The following NXF1 variants were observed in gnomAD, a reference collection of about 807,000 sequenced individuals.
NXF1 encodes the protein nuclear RNA export factor 1, also known as mRNA export factor TAP.
NXF1 carries 43 observed loss-of-function variants against 92.4 expected under a neutral mutation model. That is an observed-to-expected ratio of 0.47 (90% CI 0.36 to 0.60). The LOEUF is 0.60. Among genes scored for constraint, NXF1 ranks in the 20% least tolerant of loss-of-function variants. The pLI is 0.00. For missense variants in NXF1, 576 were observed against 793.0 expected, an observed-to-expected ratio of 0.73 and a Z score of 3.29; for synonymous variants, 288 against 292.2, an observed-to-expected ratio of 0.99 and a Z score of 0.15.
chr11:62,794,636 A>C (rs964663941), intron 18 of NXF1, 196 bp from the exon 19 acceptor site: 9 of 595,298 alleles, frequency 1.5e-5, no homozygotes, highest in Non-Finnish European at 2.7e-5. Flanking sequence ...GGTTCTCCCA[A>C]CGCATGGACT....
intron 10 of NXF1, 149 bp downstream of exon 10, chr11:62,800,228 C>A: frequency 6.9e-7 from 1 of 1,457,596 alleles, no homozygotes; most frequent in Non-Finnish European, 9.1e-7. Flanking sequence ...ACAGACAGAC[C>A]AAAGTGGGGA....
chr11:62,792,902 G>C (rs971750253), intron 19 of NXF1: 2 of 586,700 alleles, frequency 3.4e-6, no homozygotes, highest in Non-Finnish European at 6.0e-6. Flanking sequence ...TTAAATAGCT[G>C]TCAAGAAGCT....
chr11:62,795,265 CAA>C, intron 17 of NXF1: 1 of 391,908 alleles, frequency 2.6e-6, no homozygotes, highest in Admixed American at 3.8e-5. Flanking sequence ...ATCACGAGGT[CAA>C]GAGATCGAGA....
intron 18 of NXF1, 37 bp downstream of exon 18, chr11:62,794,898 T>A: frequency 6.3e-7 from 1 of 1,592,576 alleles, no homozygotes; most frequent in Non-Finnish European, 8.6e-7. Flanking sequence ...GGCCATGGAT[T>A]AGGACTGGTA....
chr11:62,796,258 C>T (rs572609032), intron 15 of NXF1, 29 bp downstream of exon 15: 1 of 1,613,704 alleles, frequency 6.2e-7, no homozygotes, highest in East Asian at 2.2e-5. Flanking sequence ...ATGCCCTTTT[C>T]CCATATTTTG....
At chr11:62,799,661 G>A in intron 10 of NXF1, 1 of 985,872 alleles carries the variant, frequency 1.0e-6, no homozygotes, top group Non-Finnish European at 1.2e-6. Context: ...TCAGTTCTCT[G>A]TCTCCTTGGT....
Position 62,796,792 on chromosome 11 carries a change from G to A in NXF1, c.1179-225C>T, listed in dbSNP as rs536462462. On this transcript the variant is annotated intron_variant, in intron 13 of 20. Transcript: ENST00000294172. ...ACTAAAAATACAAAAAAAATGGCTA[G>A]GTGCGGTGGCTCACGCCTCTAATCC... 2.0e-5 allele frequency: 11 copies of A among 562,320 alleles called. No homozygotes were observed. The East Asian group carries it at 3.4e-4, about 17-fold the overall frequency. The allele number at this position is 562,320 out of a possible 1,614,324, so 34.8% of individuals were successfully genotyped here. A position where few individuals can be genotyped will look rare whatever the true frequency, so the allele number is the denominator to read the frequency against.
intron 1 of NXF1, 73 bp downstream of exon 1, chr11:62,805,256 G>A (rs2084524000): frequency 3.3e-6 from 5 of 1,499,644 alleles, no homozygotes; most frequent in East Asian, 2.7e-5. Context: ...ACGCCCCGGG[G>A]GCTGAGGCCT....
chr11:62,798,631 C>T, intron 10 of NXF1, 56 bp from the exon 11 acceptor site: 1 of 1,609,996 alleles, frequency 6.2e-7, no homozygotes, highest in South Asian at 1.1e-5. Context: ...GCCTCCTGGG[C>T]TGCTCTAGGA....
At chr11:62,799,692 C>T (rs1238990078) in intron 10 of NXF1, 4 of 986,016 alleles carry the variant, frequency 4.1e-6, no homozygotes, top group Non-Finnish European at 4.8e-6. Context: ...CCCGTGGCCT[C>T]CACGCCCAGC....
At chr11:62,795,432 C>T (rs527761622) in intron 17 of NXF1, 7 of 203,330 alleles carry the variant, frequency 3.4e-5, no homozygotes, top group African/African-American at 1.2e-4. Context: ...GCCAAGATTG[C>T]GCCACTGCAC....
rs1188899691 is a variant in NXF1, at chr11:62,801,634, A to G, written c.640-3T>C. On this transcript the variant is annotated splice_polypyrimidine_tract_variant and splice_region_variant and intron_variant, in intron 6 of 20. Coordinates refer to ENST00000294172, the MANE Select transcript of NXF1 (RefSeq NM_006362.5). ...TCGTATCGTTTGCTCATGATCAGCT[A>G]GAGGAAAAAGAAGGGTTTAGTGGTC... The G allele has an allele frequency of 6.3e-7, 1 of 1,589,474 alleles. No homozygotes were observed. Among genetic ancestry groups the G allele is most frequent in the South Asian group, 1.1e-5 (1 of 90,064 alleles).
Position 62,797,247 on chromosome 11 carries a change from A to C in NXF1, c.1123-9T>G, listed in dbSNP as rs894404968. 34 of 1,614,040 alleles carry C rather than the reference A, an allele frequency of 2.1e-5. No homozygotes were observed. Among genetic ancestry groups the C allele is most frequent in the Middle Eastern group, 1.6e-4 (1 of 6,084 alleles). ...GTTCCAAAATAGCTTCCCTGAAATC[A>C]AACAGGTATTAGGAACATGGAAGCA... On this transcript the variant is annotated splice_polypyrimidine_tract_variant and intron_variant, in intron 12 of 20. Coordinates refer to ENST00000294172, the MANE Select transcript of NXF1 (RefSeq NM_006362.5).
Position 62,801,149 on chromosome 11 carries a change from G to A in NXF1, c.851C>T (p.Ser284Phe), listed in dbSNP as rs1380896844. 18 of 1,614,044 alleles carry A rather than the reference G, an allele frequency of 1.1e-5. No individual in the cohort carries two copies. The highest frequency in any genetic ancestry group is 1.4e-5 in the Non-Finnish European group (17 of 1,180,028). Residue 284 changes from serine to phenylalanine, a missense_variant, in exon 9 of 21, where the codon TCT becomes TTT. By Grantham distance (155) the Ser-to-Phe change is radical (BLOSUM62 -2). Transcript: ENST00000294172. ...NNRLYRLDDM[S>F]SIVQKAPNLK... is the part of the protein sequence containing the mutation. Reference sequence around the variant, plus strand: ...GTTGGGTGCCTTCTGAACAATGCTAGACATGTCATCCAGCCTGTACAGCCT... The same window carrying A: ...GTTGGGTGCCTTCTGAACAATGCTAAACATGTCATCCAGCCTGTACAGCCT...
At chr11:62,792,808 T>G in intron 19 of NXF1, 107 bp from the exon 20 acceptor site, 1 of 892,962 alleles carries the variant, frequency 1.1e-6, no homozygotes, top group Non-Finnish European at 1.8e-6. Flanking sequence ...TGTACATTCT[T>G]ATACATCCTT....
chr11:62,792,813 A>G lies in NXF1; in HGVS notation c.1761-112T>C, dbSNP rs747356441. 20 of 830,366 alleles carry G rather than the reference A, an allele frequency of 2.4e-5. 1 individual carries two copies. The highest frequency in any genetic ancestry group is 9.1e-5 in the Admixed American group (4 of 43,778). The allele number at this position is 830,366 out of a possible 1,614,324, so 51.4% of individuals were successfully genotyped here. On this transcript the variant is annotated intron_variant, in intron 19 of 20. Coordinates refer to ENST00000294172, the MANE Select transcript of NXF1 (RefSeq NM_006362.5). ...CCAACAAATATGTACATTCTTATACATCCTTGCACTATTTATACAAATGAG... is the reference window on the plus strand; with the variant it reads ...CCAACAAATATGTACATTCTTATACGTCCTTGCACTATTTATACAAATGAG...
intron 1 of NXF1, among the ~76,000 whole-genome samples, chr11:62,804,505 A>G (rs2084513125): frequency 6.6e-6 from 1 of 152,194 alleles, no homozygotes; most frequent in Admixed American, 6.5e-5. Context: ...AGGGTGCTTA[A>G]CCAGGGACCC....
intron 3 of NXF1, among the ~76,000 whole-genome samples, chr11:62,802,757 CA>C (rs890394839): frequency 3.3e-5 from 5 of 150,762 alleles, no homozygotes; most frequent in Admixed American, 6.6e-5. Flanking sequence ...TATAATCTCT[CA>C]AAAAAAAATC....
intron 1 of NXF1, chr11:62,804,288 C>T: frequency 8.7e-7 from 1 of 1,150,674 alleles, no homozygotes; most frequent in Non-Finnish European, 1.2e-6. Context: ...CTCTGAAAGC[C>T]ACCTGAAATC....
Sources: allele counts gnomAD v4.1 joint callset (sites outside exome capture counted in the v4.1 genomes callset), GRCh38; gene constraint gnomAD v4.1.1; transcripts MANE v1.5; gene names NCBI Gene and HGNC (gene_info 2026-07-23, HGNC 2026-07-21).